ZFAND3: variants seen among roughly 807,000 people sequenced by gnomAD.
ZFAND3 encodes the protein AN1-type zinc finger protein 3.
A neutral mutation model predicts 29.6 loss-of-function variants in ZFAND3; 10 were observed. The observed-to-expected ratio is 0.34, with a 90% CI of 0.21 to 0.57. The LOEUF (loss-of-function observed/expected upper bound fraction) is 0.57, where lower values mean the gene tolerates loss of function less well. Ranked by LOEUF, ZFAND3 falls within the 20% of genes least tolerant of loss-of-function variation. The pLI, the probability that ZFAND3 is intolerant of heterozygous loss-of-function variation, is 0.86. For missense variants in ZFAND3, 230 were observed against 304.5 expected (o/e 0.76, Z 1.82); for synonymous variants, 128 against 112.6 (o/e 1.14, Z -0.87).
chr6:38,126,141 G>A (rs994023485), intron 5 of ZFAND3, among the ~76,000 whole-genome samples: 2 of 152,102 alleles, frequency 1.3e-5, no homozygotes, highest in Non-Finnish European at 2.9e-5. Flanking sequence ...GCTTTCTGTT[G>A]CTATAGTTTC....
At chr6:38,124,515 G>A (rs527423729) in intron 5 of ZFAND3, among the ~76,000 whole-genome samples, 4 of 152,358 alleles carry the variant, frequency 2.6e-5, no homozygotes, top group Admixed American at 2.0e-4. Context: ...GAGAAATCGA[G>A]CGCAGTGCCG....
intron 2 of ZFAND3, among the ~76,000 whole-genome samples, chr6:37,944,788 A>T (rs1761871922): frequency 6.6e-6 from 1 of 152,212 alleles, no homozygotes; most frequent in African/African-American, 2.4e-5. Context: ...AACTCTGATC[A>T]ATGGTCAGGC....
At chr6:38,144,708 A>T (rs1437341822) in intron 5 of ZFAND3, among the ~76,000 whole-genome samples, 1 of 152,182 alleles carries the variant, frequency 6.6e-6, no homozygotes, top group Non-Finnish European at 1.5e-5. Flanking sequence ...ATGAGGTAAA[A>T]ACACCTGAGC....
chr6:38,097,779 A>C (rs1765011520), intron 4 of ZFAND3, among the ~76,000 whole-genome samples: 2 of 152,198 alleles, frequency 1.3e-5, no homozygotes, highest in African/African-American at 4.8e-5. Flanking sequence ...CTGAAGAGAA[A>C]CTTGAGGGAG....
intron 4 of ZFAND3, among the ~76,000 whole-genome samples, chr6:38,086,439 G>T (rs1007769584): frequency 2.0e-5 from 3 of 152,136 alleles, no homozygotes; most frequent in African/African-American, 7.2e-5. Context: ...GTTGCTTTTG[G>T]TTAGAATGTG....
At chr6:38,100,806 C>G (rs960208527) in intron 4 of ZFAND3, among the ~76,000 whole-genome samples, 1 of 152,144 alleles carries the variant, frequency 6.6e-6, no homozygotes, top group East Asian at 1.9e-4. Context: ...ACCCCCCTAC[C>G]CAGCTTTTCC....
intron 2 of ZFAND3, among the ~76,000 whole-genome samples, chr6:38,013,737 AC>A (rs1763202278): frequency 6.6e-6 from 1 of 150,496 alleles, no homozygotes; most frequent in Admixed American, 6.6e-5. Context: ...TAAAAAAAAA[AC>A]AAAAAAAACC....
chr6:37,838,026 A>C (rs547583533), intron 1 of ZFAND3, among the ~76,000 whole-genome samples: 1 of 152,168 alleles, frequency 6.6e-6, no homozygotes, highest in Non-Finnish European at 1.5e-5. Flanking sequence ...AAACATAGGG[A>C]CTGACAGGGA....
rs909644933 is a variant in ZFAND3, at chr6:37,919,623, A to G, written c.72-10336A>G. Among the ~76,000 whole-genome samples the G allele has an allele frequency of 3.3e-5, 5 of 152,306 alleles. No homozygotes were observed. In the East Asian group the frequency reaches 5.8e-4, roughly 18 times the overall value. On this transcript the variant is annotated intron_variant, in intron 1 of 5. Transcript: ENST00000287218. Reference sequence around the variant, plus strand: ...AGCCACAAGAATTCATTCATGTAACATTAGGAGAGTTGTCATCATCTTGAC... The same window carrying G: ...AGCCACAAGAATTCATTCATGTAACGTTAGGAGAGTTGTCATCATCTTGAC...
chr6:37,930,045 C>CT (rs370975464), intron 2 of ZFAND3, 46 bp downstream of exon 2: 81,000 of 1,085,494 alleles, frequency 0.075, 17 homozygotes, highest in South Asian at 0.1. Flanking sequence ...ATTTTTCTTT[C>CT]TTTTTTTTTT....
intron 5 of ZFAND3, among the ~76,000 whole-genome samples, chr6:38,140,017 C>G (rs1441553242): frequency 1.3e-5 from 2 of 152,186 alleles, no homozygotes; most frequent in Non-Finnish European, 2.9e-5. Flanking sequence ...AGTAAGGTAT[C>G]AGTGATGACT....
chr6:37,911,772 TCAA>T lies in ZFAND3; in HGVS notation c.72-18184_72-18182del. 2.0e-5 allele frequency among the ~76,000 whole-genome samples: 3 copies of T among 152,312 alleles called. 1 individual carries two copies. The East Asian group carries it at 5.8e-4, about 29-fold the overall frequency. On this transcript the variant is annotated intron_variant, in intron 1 of 5. Transcript: ENST00000287218. ...CACTGATTCTTGTTAGACATTCAGT[TCAA>T]CAGGTGGGAGTGGAGATGAGCTTGT...
intron 2 of ZFAND3, among the ~76,000 whole-genome samples, chr6:38,006,072 A>T (rs1186251837): frequency 6.6e-6 from 1 of 152,360 alleles, no homozygotes; most frequent in East Asian, 1.9e-4. Context: ...ACTTACATTG[A>T]AGATGTATAA....
intron 2 of ZFAND3, among the ~76,000 whole-genome samples, chr6:38,056,685 A>T (rs991346334): frequency 6.6e-6 from 1 of 152,260 alleles, no homozygotes; most frequent in African/African-American, 2.4e-5. Context: ...TTCTGAAAAC[A>T]GTGGAGAAAA....
chr6:38,061,811 C>G (rs1252818963), intron 3 of ZFAND3, 36 bp downstream of exon 3: 1 of 1,607,204 alleles, frequency 6.2e-7, no homozygotes, highest in Non-Finnish European at 8.5e-7. Context: ...GTAGAGAGAG[C>G]AGCTTAAGAA....
chr6:38,106,139 C>G (rs929330724), intron 4 of ZFAND3, among the ~76,000 whole-genome samples: 1 of 151,564 alleles, frequency 6.6e-6, no homozygotes, highest in Non-Finnish European at 1.5e-5. Flanking sequence ...TAGCAACTTA[C>G]ATACAAATGA....
chr6:37,894,514 G>A (rs187213510), intron 1 of ZFAND3, among the ~76,000 whole-genome samples: 1 of 151,764 alleles, frequency 6.6e-6, no homozygotes, highest in African/African-American at 2.4e-5. Context: ...GGACTTAACC[G>A]GTGTGTGCCT....
At chr6:38,064,535 A>G (rs544186504) in intron 3 of ZFAND3, among the ~76,000 whole-genome samples, 5 of 152,238 alleles carry the variant, frequency 3.3e-5, no homozygotes, top group Admixed American at 2.0e-4. Flanking sequence ...AATGTGAAAT[A>G]CAACTGTCAT....
chr6:37,950,760 A>G (rs1761984522), intron 2 of ZFAND3, among the ~76,000 whole-genome samples: 1 of 152,138 alleles, frequency 6.6e-6, no homozygotes, highest in East Asian at 1.9e-4. Context: ...TTTTACCAGT[A>G]CTATGCTGTT....
Sources: gnomAD v4.1 joint callset for allele counts (sites outside exome capture counted in the v4.1 genomes callset) on GRCh38, gnomAD v4.1.1 for gene constraint, MANE v1.5 for transcripts, NCBI Gene and HGNC (gene_info 2026-07-23, HGNC 2026-07-21) for gene names.